ZNF763: variants seen among roughly 807,000 people sequenced by gnomAD.
ZNF763 encodes zinc finger protein 763, also known as DNA-binding protein.
A neutral mutation model predicts 38.0 loss-of-function variants in ZNF763; 33 were observed. The ratio of observed to expected loss-of-function variants is 0.87; its 90% CI spans 0.66 to 1.16. The LOEUF (loss-of-function observed/expected upper bound fraction) is 1.16, where lower values mean the gene tolerates loss of function less well. ZNF763 is among the 50% of genes most tolerant of loss of function. The pLI is 0.00. For synonymous variants in ZNF763, 155 were observed against 160.1 expected, an observed-to-expected ratio of 0.97 and a Z score of 0.24; for missense variants, 423 against 469.1, an observed-to-expected ratio of 0.90 and a Z score of 0.91.
chr19:11,965,335 G>C (rs921645293), intron 1 of ZNF763, 124 bp downstream of exon 1: 2 of 1,352,344 alleles, frequency 1.5e-6, no homozygotes. Flanking sequence ...GAGTCCTCCT[G>C]GAGCTGCTCG....
In ZNF763 at chr19:11,979,432, A is replaced by G; in HGVS notation, c.*323A>G. ...TTCATGAAAGGACACAAACACACAT[A>G]AGAATACACTCTGGAGAAAGACCTT... On this transcript the variant is annotated 3_prime_UTR_variant, in exon 4 of 4. Transcript: ENST00000358987. 1 of 1,607,038 alleles carries G rather than the reference A, an allele frequency of 6.2e-7. No individual in the cohort carries two copies. The highest frequency in any genetic ancestry group is 8.5e-7 in the Non-Finnish European group (1 of 1,176,204).
intron 1 of ZNF763, among the ~76,000 whole-genome samples, chr19:11,976,086 G>A (rs1973482738): frequency 6.9e-6 from 1 of 145,884 alleles, no homozygotes; most frequent in Admixed American, 7.0e-5. Flanking sequence ...GGTGGTCCCT[G>A]GGGTGTGGGA....
Position 11,965,093 on chromosome 19 carries a change from C to T in ZNF763, c.-116C>T. 7.2e-7 allele frequency: 1 copy of T among 1,394,258 alleles called. No homozygotes were observed. Among genetic ancestry groups the T allele is most frequent in the African/African-American group, 1.4e-5 (1 of 70,256 alleles). The allele number at this position is 1,394,258 out of a possible 1,614,324, so 86.4% of individuals were successfully genotyped here. ...GGTGGTTGATATCCGCTGTATCCAT[C>T]CCCGAGAGGGACCTGGTACCTCTAC... On this transcript the variant is annotated 5_prime_UTR_variant, in exon 1 of 4. Transcript: ENST00000358987.
In ZNF763 at chr19:11,969,528, G is replaced by A. The variant is rs114957796; in HGVS notation, c.3+4317G>A. On this transcript the variant is annotated intron_variant, in intron 1 of 3. Transcript: ENST00000358987. ...TTCCCTATACATTAGTAATTTTCAC[G>A]AGTTGTATTTAAATATGATTTCAGG... Among the ~76,000 whole-genome samples the A allele has an allele frequency of 1.7e-3, 262 of 152,278 alleles. 4 individuals carry two copies. The highest frequency in any genetic ancestry group is 5.9e-3 in the African/African-American group (245 of 41,540).
At chr19:11,974,092 T>TC (rs1568308272) in intron 1 of ZNF763, among the ~76,000 whole-genome samples, 1 of 88,814 alleles carries the variant, frequency 1.1e-5, no homozygotes, top group African/African-American at 5.1e-5. Flanking sequence ...TTTCTTTCTT[T>TC]CTTTCTTTCT....
At chr19:11,969,265 C>T (rs111914967) in intron 1 of ZNF763, among the ~76,000 whole-genome samples, 2,879 of 152,222 alleles carry the variant, frequency 0.019, 36 homozygotes, top group African/African-American at 0.026. Context: ...CCACCACACT[C>T]GGCTAATTTT....
At chr19:11,969,532 T>C (rs546622103) in intron 1 of ZNF763, among the ~76,000 whole-genome samples, 1 of 152,340 alleles carries the variant, frequency 6.6e-6, no homozygotes, top group South Asian at 2.1e-4. Context: ...TTTCACGAGT[T>C]GTATTTAAAT....
At chr19:11,965,976 AGT>A (rs1973220452) in intron 1 of ZNF763, among the ~76,000 whole-genome samples, 1 of 152,068 alleles carries the variant, frequency 6.6e-6, no homozygotes, top group African/African-American at 2.4e-5. Context: ...GTTGATTGAG[AGT>A]GTGAAGTTTG....
At chr19:11,971,452 G>A (rs927987124) in intron 1 of ZNF763, among the ~76,000 whole-genome samples, 8 of 152,124 alleles carry the variant, frequency 5.3e-5, no homozygotes, top group East Asian at 3.9e-4. Context: ...TATTCATGCC[G>A]TAACACCCTC....
rs1258663793 is a variant in ZNF763, at chr19:11,968,982, GA to G, written c.3+3774del. Among the ~76,000 whole-genome samples the G allele has an allele frequency of 2.0e-5, 3 of 152,200 alleles. No homozygotes were observed. The East Asian group carries it at 5.8e-4, about 29-fold the overall frequency. On this transcript the variant is annotated intron_variant, in intron 1 of 3. Coordinates refer to ENST00000358987, the MANE Select transcript of ZNF763 (RefSeq NM_001367172.2). The stretch of plus-strand genomic sequence containing the variant: ...GAAAGAAGGCAAATCTGTAATCAGG[GA>G]AAGGAGGGTTCCAGCTAGCTAGGTG...
At position 11,978,398 on chromosome 19, in the gene ZNF763, C is replaced by T. The variant is rs1221159980; in HGVS notation, c.474C>T (p.Ser158=). The T allele has an allele frequency of 6.2e-7, 1 of 1,614,056 alleles. No individual in the cohort carries two copies. The highest frequency in any genetic ancestry group is 1.3e-5 in the African/African-American group (1 of 74,922). ...QPKKAFRYHP[S]FRTQERNHTG... Reference sequence around the variant, plus strand: ...AGAAAGCCTTCAGATATCACCCCTCCTTTAGAACACAAGAAAGGAATCACA... The same window carrying T: ...AGAAAGCCTTCAGATATCACCCCTCTTTTAGAACACAAGAAAGGAATCACA... Residue 158 remains serine (S), a synonymous_variant, in exon 4 of 4, where the codon TCC becomes TCT. Transcript: ENST00000358987.
At chr19:11,966,978 T>C (rs1599307387) in intron 1 of ZNF763, among the ~76,000 whole-genome samples, 1 of 152,212 alleles carries the variant, frequency 6.6e-6, no homozygotes, top group Non-Finnish European at 1.5e-5. Context: ...AAGAGGGTTC[T>C]TGGATCTCAC....
At chr19:11,970,959 A>G (rs1973338544) in intron 1 of ZNF763, among the ~76,000 whole-genome samples, 1 of 152,098 alleles carries the variant, frequency 6.6e-6, no homozygotes, top group Non-Finnish European at 1.5e-5. Context: ...CTAAAAAACT[A>G]GATGCCCTGG....
intron 1 of ZNF763, among the ~76,000 whole-genome samples, chr19:11,973,172 C>T (rs1973385378): frequency 6.6e-6 from 1 of 152,116 alleles, no homozygotes; most frequent in Non-Finnish European, 1.5e-5. Flanking sequence ...CCCCTGTGCT[C>T]CTCCTAATTC....
Position 11,977,733 on chromosome 19 carries a change from G to A in ZNF763, c.191+302G>A, listed in dbSNP as rs112066107. Among the ~76,000 whole-genome samples the A allele has an allele frequency of 2.9e-3, 447 of 152,176 alleles. 1 individual carries two copies. The highest frequency in any genetic ancestry group is 1.0e-2 in the African/African-American group (414 of 41,516). ...TTAGCTGGGCATTGTGGTATGCATC[G>A]TAGTCCTAGCTACTCAGGAGGCTGA... On this transcript the variant is annotated intron_variant, in intron 3 of 3. Coordinates refer to ENST00000358987, the MANE Select transcript of ZNF763 (RefSeq NM_001367172.2).
At chr19:11,965,352 G>C in intron 1 of ZNF763, 141 bp downstream of exon 1, 1 of 1,192,854 alleles carries the variant, frequency 8.4e-7, no homozygotes, top group Non-Finnish European at 1.2e-6. Context: ...CTCGGCCCTC[G>C]GTCCCCTCGG....
Position 11,978,680 on chromosome 19 carries a change from A to C in ZNF763, c.756A>C (p.Gly252=). The C allele has an allele frequency of 6.2e-7, 1 of 1,614,158 alleles. No individual in the cohort carries two copies. The highest frequency in any genetic ancestry group is 8.5e-7 in the Non-Finnish European group (1 of 1,180,034). The change falls in exon 4 of 4, where the codon GGA becomes GGC. Residue 252 remains glycine, a synonymous_variant. Coordinates refer to ENST00000358987, the MANE Select transcript of ZNF763 (RefSeq NM_001367172.2). ...GAATACATGAAAGAACTCACACTGG[A>C]GAAAAGCCTTATGAATGTCAGCAAT... The part of the protein sequence containing the change: ...THRIHERTHT[G]EKPYECQQCG...
chr19:11,968,487 CT>C (rs1170616497), intron 1 of ZNF763, among the ~76,000 whole-genome samples: 2 of 152,180 alleles, frequency 1.3e-5, no homozygotes, highest in Non-Finnish European at 2.9e-5. Flanking sequence ...AACAGTCCTC[CT>C]TCCTTGGCCT....
At chr19:11,975,215 C>T (rs1258787886) in intron 1 of ZNF763, among the ~76,000 whole-genome samples, 1 of 151,728 alleles carries the variant, frequency 6.6e-6, no homozygotes, top group Non-Finnish European at 1.5e-5. Flanking sequence ...TCTCCTGCCT[C>T]AGTTCTCCTG....
Sources: allele counts gnomAD v4.1 joint callset (sites outside exome capture counted in the v4.1 genomes callset), GRCh38; gene constraint gnomAD v4.1.1; transcripts MANE v1.5; gene names NCBI Gene and HGNC (gene_info 2026-07-23, HGNC 2026-07-21).